The following TOX variants were observed in gnomAD, a reference collection of about 807,000 sequenced individuals.
TOX encodes the protein thymocyte selection associated high mobility group box.
A neutral mutation model predicts 53.7 loss-of-function variants in TOX; 11 were observed. The observed-to-expected ratio is 0.20, with a 90% CI of 0.13 to 0.34. The LOEUF is 0.34. TOX is among the 10% of genes least tolerant of loss of function. TOX has a pLI of 1.00. For missense variants in TOX, 570 were observed against 664.6 expected, an observed-to-expected ratio of 0.86 and a Z score of 1.56; for synonymous variants, 225 against 245.3, an observed-to-expected ratio of 0.92 and a Z score of 0.77.
intron 3 of TOX, among the ~76,000 whole-genome samples, chr8:58,912,481 G>GAA (rs986791556): frequency 6.6e-6 from 1 of 152,134 alleles, no homozygotes; most frequent in Non-Finnish European, 1.5e-5. Flanking sequence ...TCCATCTGGG[G>GAA]AAAAAGAGCA....
intron 1 of TOX, among the ~76,000 whole-genome samples, chr8:59,107,186 T>C (rs1804929220): frequency 6.6e-6 from 1 of 152,122 alleles, no homozygotes; most frequent in South Asian, 2.1e-4. Flanking sequence ...AGTGACTTTT[T>C]TAATCATGAA....
At chr8:58,895,926 G>A (rs1811636887) in intron 3 of TOX, among the ~76,000 whole-genome samples, 1 of 152,174 alleles carries the variant, frequency 6.6e-6, no homozygotes, top group Non-Finnish European at 1.5e-5. Context: ...AGCTTCCAGC[G>A]CAGAGCCCAG....
At chr8:58,966,187 C>T (rs995896693) in intron 1 of TOX, among the ~76,000 whole-genome samples, 1 of 151,980 alleles carries the variant, frequency 6.6e-6, no homozygotes, top group Non-Finnish European at 1.5e-5. Context: ...CAAGGCTGAA[C>T]CTGTTGATGA....
intron 1 of TOX, among the ~76,000 whole-genome samples, chr8:59,033,339 A>C (rs1814394310): frequency 6.6e-6 from 1 of 152,228 alleles, no homozygotes. Context: ...CACATGCTAA[A>C]AATGAACTGT....
chr8:59,013,413 C>CT (rs35734986), intron 1 of TOX, among the ~76,000 whole-genome samples: 127,920 of 146,368 alleles, frequency 0.87, 56,294 homozygotes, highest in East Asian at 0.99. Flanking sequence ...TCAGATAGGC[C>CT]TTTTTTTTTT....
At chr8:58,827,876 G>T (rs981099505) in intron 5 of TOX, among the ~76,000 whole-genome samples, 6 of 152,138 alleles carry the variant, frequency 3.9e-5, no homozygotes, top group African/African-American at 1.4e-4. Context: ...GCAATCTTTT[G>T]AAATCAGCCT....
rs534657845 is a variant in TOX at position 59,045,509 on chromosome 8, T to C, written c.102+73377A>G. ...TAGCCAGGATTCTATTTCCTTCCCG[T>C]GGTTGTTATTTGAATAATGGTACAG... On this transcript the variant is annotated intron_variant, in intron 1 of 8. Coordinates refer to ENST00000361421, the MANE Select transcript of TOX (RefSeq NM_014729.3). 5.3e-5 allele frequency among the ~76,000 whole-genome samples: 8 copies of C among 152,304 alleles called. No individual in the cohort carries two copies. The South Asian group carries it at 1.5e-3, about 28-fold the overall frequency.
At chr8:59,070,907 A>G (rs546642174) in intron 1 of TOX, among the ~76,000 whole-genome samples, 8 of 152,196 alleles carry the variant, frequency 5.3e-5, no homozygotes, top group Non-Finnish European at 8.8e-5. Flanking sequence ...AACAAAAGCA[A>G]TTATTTAAAA....
chr8:58,866,729 T>C (rs1381031583), intron 3 of TOX, among the ~76,000 whole-genome samples: 1 of 152,210 alleles, frequency 6.6e-6, no homozygotes, highest in Non-Finnish European at 1.5e-5. Context: ...CAAATACTGA[T>C]GTCAAATTGA....
chr8:58,861,363 G>A (rs1356211883), intron 3 of TOX, among the ~76,000 whole-genome samples: 5 of 152,136 alleles, frequency 3.3e-5, no homozygotes, highest in South Asian at 2.1e-4. Context: ...TTATGAATGT[G>A]CTCTGGGTCT....
At chr8:58,858,404 T>C (rs1442197968) in intron 3 of TOX, among the ~76,000 whole-genome samples, 2 of 152,218 alleles carry the variant, frequency 1.3e-5, no homozygotes, top group African/African-American at 4.8e-5. Flanking sequence ...AGACAATCTA[T>C]ATCAAAACAG....
chr8:59,034,141 G>C (rs1226895957), intron 1 of TOX, among the ~76,000 whole-genome samples: 1 of 152,164 alleles, frequency 6.6e-6, no homozygotes. Context: ...AGCTCTTCCT[G>C]GTCTCCCATC....
chr8:59,026,809 G>C (rs546771297), intron 1 of TOX, among the ~76,000 whole-genome samples: 102 of 151,532 alleles, frequency 6.7e-4, no homozygotes, highest in African/African-American at 2.4e-3. Flanking sequence ...TCTTGCCCCA[G>C]GAGCACCAAA....
At chr8:59,010,614 C>A (rs1262200872) in intron 1 of TOX, among the ~76,000 whole-genome samples, 2 of 152,182 alleles carry the variant, frequency 1.3e-5, no homozygotes, top group African/African-American at 4.8e-5. Flanking sequence ...AGCCATTTAA[C>A]CTTCTGGGTC....
chr8:59,100,390 C>T (rs1481717417), intron 1 of TOX, among the ~76,000 whole-genome samples: 2 of 152,132 alleles, frequency 1.3e-5, no homozygotes, highest in Non-Finnish European at 2.9e-5. Context: ...ACACAACCTG[C>T]TAAGAATGGC....
chr8:59,104,277 A>C (rs991733778), intron 1 of TOX, among the ~76,000 whole-genome samples: 5 of 151,822 alleles, frequency 3.3e-5, no homozygotes, highest in Non-Finnish European at 7.4e-5. Flanking sequence ...TTAATCCTAA[A>C]CTGTACCTGG....
At position 58,851,935 on chromosome 8, in the gene TOX, C is replaced by T. The variant is rs1040166267; in HGVS notation, c.412-130G>A. ...CAGATGTTCTGCTGAGTTACATACA[C>T]ATTTATTTTATCTGGGGTAAAATAA... On this transcript the variant is annotated intron_variant, in intron 3 of 8. Coordinates refer to ENST00000361421, the MANE Select transcript of TOX (RefSeq NM_014729.3). The surrounding 1 kb of genome is among the most constrained non-coding windows in gnomAD (Gnocchi z 4.4). 1.5e-5 allele frequency: 12 copies of T among 821,198 alleles called. No individual in the cohort carries two copies. The highest frequency in any genetic ancestry group is 1.7e-5 in the Non-Finnish European group (11 of 630,422). The allele number at this position is 821,198 out of a possible 1,614,324, so 50.9% of individuals were successfully genotyped here.
chr8:58,882,942 A>G (rs768390948), intron 3 of TOX, among the ~76,000 whole-genome samples: 3 of 152,258 alleles, frequency 2.0e-5, no homozygotes, highest in Non-Finnish European at 4.4e-5. Context: ...CCACTCTTTA[A>G]GGTACAGAAG....
At chr8:58,888,977 C>A (rs1206471453) in intron 3 of TOX, among the ~76,000 whole-genome samples, 1 of 151,900 alleles carries the variant, frequency 6.6e-6, no homozygotes, top group South Asian at 2.1e-4. Flanking sequence ...ATACCTAGAT[C>A]TTTTTCATCT....
Sources: allele counts gnomAD v4.1 joint callset (sites outside exome capture counted in the v4.1 genomes callset), GRCh38; gene constraint gnomAD v4.1.1; non-coding constraint Gnocchi (gnomAD v3.1); transcripts MANE v1.5; gene names NCBI Gene and HGNC (gene_info 2026-07-23, HGNC 2026-07-21).